Variants in CHCHD6 observed in about 807,000 individuals in gnomAD.
CHCHD6 encodes coiled-coil-helix-coiled-coil-helix domain containing 6, also known as MICOS complex subunit MIC25.
CHCHD6 carries 28 observed loss-of-function variants against 32.3 expected under a neutral mutation model. The ratio of observed to expected loss-of-function variants is 0.87; its 90% confidence interval spans 0.64 to 1.19. CHCHD6 has a LOEUF of 1.19. CHCHD6 is among the 50% of genes most tolerant of loss of function. The pLI is 0.00. For synonymous variants in CHCHD6, 122 were observed against 117.5 expected, an observed-to-expected ratio of 1.04 and a Z score of -0.25; for missense variants, 333 against 307.0, an observed-to-expected ratio of 1.08 and a Z score of -0.63.
chr3:126,863,229 C>A (rs1942026259), intron 5 of CHCHD6, among the ~76,000 whole-genome samples: 1 of 142,792 alleles, frequency 7.0e-6, no homozygotes, highest in Non-Finnish European at 1.6e-5. Context: ...TCACCACCTC[C>A]CCCTCCTCCA....
At chr3:126,928,495 C>T (rs762033672) in intron 6 of CHCHD6, among the ~76,000 whole-genome samples, 9 of 152,206 alleles carry the variant, frequency 5.9e-5, no homozygotes, top group East Asian at 3.9e-4. Context: ...GCAGGCTGGC[C>T]GCACGTCACC....
chr3:126,742,613 T>C (rs554843770), intron 4 of CHCHD6, among the ~76,000 whole-genome samples: 2 of 152,206 alleles, frequency 1.3e-5, no homozygotes, highest in South Asian at 4.1e-4. Context: ...GTTGATGGAT[T>C]AAGGAGTTAC....
rs148780922 is a variant in CHCHD6, at chr3:126,922,219, G to A, written c.566+7469G>A. On this transcript the variant is annotated intron_variant, in intron 6 of 7. Coordinates refer to ENST00000290913, the MANE Select transcript of CHCHD6 (RefSeq NM_032343.3). Reference sequence around the variant, plus strand: ...CATCACGTGCCAGCGACTGTGCTTGGCACATGTACTGTACCCTGTTTCCCA... The same window carrying A: ...CATCACGTGCCAGCGACTGTGCTTGACACATGTACTGTACCCTGTTTCCCA... Among the ~76,000 whole-genome samples the A allele has an allele frequency of 5.9e-5, 9 of 152,254 alleles. No individual in the cohort carries two copies. In the East Asian group the frequency reaches 1.7e-3, roughly 29 times the overall value.
At chr3:126,790,600 T>G (rs1021072586) in intron 4 of CHCHD6, among the ~76,000 whole-genome samples, 2 of 152,242 alleles carry the variant, frequency 1.3e-5, no homozygotes, top group African/African-American at 4.8e-5. Context: ...TACCCTTTCT[T>G]CCAGCTGATT....
At chr3:126,942,920 G>T (rs961993126) in intron 6 of CHCHD6, among the ~76,000 whole-genome samples, 10 of 152,144 alleles carry the variant, frequency 6.6e-5, no homozygotes, top group African/African-American at 1.4e-4. Flanking sequence ...GTGTGGGGGG[G>T]AGTATTTCAC....
intron 1 of CHCHD6, among the ~76,000 whole-genome samples, chr3:126,708,407 C>T (rs1934601164): frequency 6.6e-6 from 1 of 152,140 alleles, no homozygotes; most frequent in Non-Finnish European, 1.5e-5. Context: ...AGACTCAGGG[C>T]CCAAATGCCA....
chr3:126,803,065 A>T (rs1161592081), intron 4 of CHCHD6, among the ~76,000 whole-genome samples: 1 of 152,242 alleles, frequency 6.6e-6, no homozygotes, highest in Non-Finnish European at 1.5e-5. Flanking sequence ...TGACACAAGC[A>T]CTAAACGTGG....
chr3:126,813,446 C>T (rs894694055), intron 4 of CHCHD6, among the ~76,000 whole-genome samples: 3 of 152,104 alleles, frequency 2.0e-5, no homozygotes, highest in South Asian at 2.1e-4. Flanking sequence ...CCTAAAGTTG[C>T]GACTAACTCT....
chr3:126,868,721 CA>C (rs2077423487), intron 5 of CHCHD6, among the ~76,000 whole-genome samples: 1 of 152,138 alleles, frequency 6.6e-6, no homozygotes, highest in African/African-American at 2.4e-5. Flanking sequence ...ACCCTTTTTC[CA>C]CATCAAATCT....
intron 5 of CHCHD6, among the ~76,000 whole-genome samples, chr3:126,911,418 G>A (rs72980891): frequency 0.031 from 4,728 of 152,340 alleles, 163 homozygotes; most frequent in East Asian, 0.16. Flanking sequence ...TGGTGGATGA[G>A]CAGCTTTGTG....
chr3:126,913,761 A>G (rs2078129698), intron 5 of CHCHD6, among the ~76,000 whole-genome samples: 1 of 152,228 alleles, frequency 6.6e-6, no homozygotes, highest in African/African-American at 2.4e-5. Context: ...GGCTGCTAGC[A>G]GATGCGTTAA....
intron 4 of CHCHD6, among the ~76,000 whole-genome samples, chr3:126,738,659 G>A (rs34590748): frequency 0.073 from 11,173 of 152,124 alleles, 1,382 homozygotes; most frequent in African/African-American, 0.26. Flanking sequence ...TTTGAAGCCC[G>A]CTGTGCAGTC....
chr3:126,704,793 G>T (rs1934396523), intron 1 of CHCHD6, among the ~76,000 whole-genome samples: 1 of 152,112 alleles, frequency 6.6e-6, no homozygotes, highest in South Asian at 2.1e-4. Context: ...CTTTGCCTGG[G>T]GACTCAGCTC....
At chr3:126,864,545 ACCT>A (rs922012066) in intron 5 of CHCHD6, among the ~76,000 whole-genome samples, 50 of 112,112 alleles carry the variant, frequency 4.5e-4, no homozygotes, top group South Asian at 1.9e-3. Flanking sequence ...CTCCTTCTCC[ACCT>A]CCTCCTCCTC....
chr3:126,941,083 C>G (rs1295390462), intron 6 of CHCHD6, among the ~76,000 whole-genome samples: 1 of 152,156 alleles, frequency 6.6e-6, no homozygotes, highest in African/African-American at 2.4e-5. Context: ...ATTACAAAGA[C>G]CTTTCCACCC....
intron 6 of CHCHD6, among the ~76,000 whole-genome samples, chr3:126,938,976 G>C (rs1339360133): frequency 1.3e-5 from 2 of 152,246 alleles, no homozygotes; most frequent in African/African-American, 2.4e-5. Flanking sequence ...GGAGGTGAAA[G>C]GGCACTAGTA....
chr3:126,816,463 C>T (rs1213251916), intron 4 of CHCHD6, among the ~76,000 whole-genome samples: 1 of 152,204 alleles, frequency 6.6e-6, no homozygotes, highest in African/African-American at 2.4e-5. Context: ...CACTGGACTT[C>T]TTAAGCCAGC....
At chr3:126,933,565 C>A (rs6773614) in intron 6 of CHCHD6, among the ~76,000 whole-genome samples, 152,123 of 152,274 alleles carry the variant, frequency 1, 75,986 homozygotes, top group Non-Finnish European at 1. Context: ...GGTGTGTCAC[C>A]TGGCAAAAGA....
chr3:126,890,217 T>C (rs1303773673), intron 5 of CHCHD6, among the ~76,000 whole-genome samples: 1 of 152,230 alleles, frequency 6.6e-6, no homozygotes, highest in Non-Finnish European at 1.5e-5. Context: ...GTCAGCATTT[T>C]GCAGAAATCA....
Sources: allele counts gnomAD v4.1 joint callset (sites outside exome capture counted in the v4.1 genomes callset), GRCh38; gene constraint gnomAD v4.1.1; transcripts MANE v1.5; gene names NCBI Gene and HGNC (gene_info 2026-07-23, HGNC 2026-07-21).